The following SEMA3A variants were observed in gnomAD, a reference collection of about 807,000 sequenced individuals.
The protein encoded by SEMA3A is semaphorin-3A.
A neutral mutation model predicts 97.9 loss-of-function variants in SEMA3A; 29 were observed. The observed-to-expected ratio is 0.30, with a 90% confidence interval of 0.22 to 0.40. The LOEUF (loss-of-function observed/expected upper bound fraction) is 0.40. Ranked by LOEUF, SEMA3A falls within the 10% of genes least tolerant of loss-of-function variation. The pLI, the probability that SEMA3A is intolerant of heterozygous loss-of-function variation, is 1.00. For missense variants in SEMA3A, 763 were observed against 951.3 expected, an observed-to-expected ratio of 0.80 and a Z score of 2.60; for synonymous variants, 321 against 323.7, an observed-to-expected ratio of 0.99 and a Z score of 0.09.
At chr7:83,998,874 T>A (rs188773198) in intron 12 of SEMA3A, among the ~76,000 whole-genome samples, 60 of 152,232 alleles carry the variant, frequency 3.9e-4, no homozygotes, top group African/African-American at 1.4e-3. Context: ...ATCATCAATA[T>A]CTGTGTCTTT....
intron 4 of SEMA3A, among the ~76,000 whole-genome samples, chr7:84,109,507 C>A (rs2115936206): frequency 6.6e-6 from 1 of 152,242 alleles, no homozygotes; most frequent in Admixed American, 6.5e-5. Flanking sequence ...AGATATAACA[C>A]AAACTGTTTT....
rs117073700 is a variant in SEMA3A at position 84,071,017 on chromosome 7, C to T, written c.454-10459G>A. ...AAAGGAAATATTGTGACATATTGCA[C>T]TTTGACCAAAAGAGATCCTTCTGCA... On this transcript the variant is annotated intron_variant, in intron 4 of 16. Transcript: ENST00000265362. Among the ~76,000 whole-genome samples, 1,143 of 152,186 alleles carry T rather than the reference C, an allele frequency of 7.5e-3. 6 individuals are homozygous for T. The highest frequency in any genetic ancestry group is 0.012 in the Non-Finnish European group (841 of 67,992).
intron 1 of SEMA3A, among the ~76,000 whole-genome samples, chr7:84,418,614 T>TATA (rs1804499506): frequency 6.6e-6 from 1 of 151,998 alleles, no homozygotes; most frequent in Non-Finnish European, 1.5e-5. Flanking sequence ...GTCCTCTATT[T>TATA]TTCTGTCTTC....
chr7:84,132,679 T>G (rs1260958565), intron 2 of SEMA3A, among the ~76,000 whole-genome samples: 6 of 134,872 alleles, frequency 4.4e-5, no homozygotes, highest in African/African-American at 1.1e-4. Flanking sequence ...TTTTTTTTTT[T>G]TTTTTTTTTT....
intron 3 of SEMA3A, among the ~76,000 whole-genome samples, chr7:84,213,197 G>C (rs913308057): frequency 1.3e-5 from 2 of 151,966 alleles, no homozygotes; most frequent in African/African-American, 4.8e-5. Context: ...GGCTGGTCTT[G>C]AACTCCTGAC....
rs182392745 is a variant in SEMA3A at position 84,430,422 on chromosome 7, A to G, written c.-245-58522T>C. On this transcript the variant is annotated intron_variant, in intron 1 of 3. Coordinates refer to the SEMA3A transcript ENST00000424555. ...AATTCTCATAACACTTAAAAAACCA[A>G]TAGTAAACCTTTGTTGACAAACATG... Among the ~76,000 whole-genome samples the G allele has an allele frequency of 6.9e-4, 105 of 152,138 alleles. 1 individual carries two copies. The highest frequency in any genetic ancestry group is 2.3e-3 in the African/African-American group (97 of 41,562).
chr7:83,966,821 C>G (rs976325541), intron 15 of SEMA3A, among the ~76,000 whole-genome samples: 4 of 151,974 alleles, frequency 2.6e-5, no homozygotes, highest in African/African-American at 9.7e-5. Flanking sequence ...AAGCGATTCT[C>G]CTGCCTCAGA....
Position 84,115,562 on chromosome 7 carries a change from G to A in SEMA3A, c.334-4973C>T, listed in dbSNP as rs548796707. Among the ~76,000 whole-genome samples, 23 of 152,124 alleles carry A rather than the reference G, an allele frequency of 1.5e-4. No individual in the cohort carries two copies. In the East Asian group the frequency reaches 4.4e-3, roughly 29 times the overall value. The stretch of plus-strand genomic sequence containing the variant: ...TTGAAATTCTGTGTGGACCATAGAA[G>A]CTTATGATATCTATTTTTAGGCTTA... On this transcript the variant is annotated intron_variant, in intron 3 of 16. Transcript: ENST00000265362.
At chr7:84,102,588 C>CTTTTTTTTTTTTT (rs3074757) in intron 4 of SEMA3A, among the ~76,000 whole-genome samples, 1 of 96,846 alleles carries the variant, frequency 1.0e-5, no homozygotes, top group Non-Finnish European at 1.9e-5. Flanking sequence ...TGCATTATCG[C>CTTTTTTTTTTTTT]TTTTTTTTTT....
intron 1 of SEMA3A, among the ~76,000 whole-genome samples, chr7:84,409,028 A>G (rs982261282): frequency 5.3e-5 from 8 of 150,670 alleles, no homozygotes; most frequent in African/African-American, 1.7e-4. Context: ...CATGTACCCT[A>G]AAACTTAAAG....
At chr7:84,298,277 A>G (rs1584214577) in intron 3 of SEMA3A, among the ~76,000 whole-genome samples, 1 of 152,218 alleles carries the variant, frequency 6.6e-6, no homozygotes, top group African/African-American at 2.4e-5. Flanking sequence ...TAAGAACATA[A>G]TATGAATTCT....
intron 1 of SEMA3A, among the ~76,000 whole-genome samples, chr7:84,446,822 G>A (rs747556044): frequency 1.8e-4 from 27 of 152,104 alleles, no homozygotes; most frequent in African/African-American, 4.8e-4. Flanking sequence ...CAGTTGCAGT[G>A]GGGGAGGCAC....
intron 4 of SEMA3A, among the ~76,000 whole-genome samples, chr7:84,098,436 T>G (rs1158467914): frequency 2.0e-5 from 3 of 152,056 alleles, no homozygotes; most frequent in African/African-American, 7.2e-5. Context: ...TATTTATCTT[T>G]GCTCAATCCC....
intron 1 of SEMA3A, among the ~76,000 whole-genome samples, chr7:84,400,506 A>G (rs762901059): frequency 5.9e-5 from 9 of 152,210 alleles, no homozygotes; most frequent in Non-Finnish European, 8.8e-5. Flanking sequence ...TGAAAAATGC[A>G]TTAGAGTGTC....
At chr7:84,291,708 G>T (rs1800752080) in intron 3 of SEMA3A, among the ~76,000 whole-genome samples, 1 of 152,080 alleles carries the variant, frequency 6.6e-6, no homozygotes, top group African/African-American at 2.4e-5. Flanking sequence ...CCCGTAAGTT[G>T]TTTAGTCTTT....
chr7:84,016,841 G>T (rs1291965404), intron 6 of SEMA3A, among the ~76,000 whole-genome samples: 1 of 152,088 alleles, frequency 6.6e-6, no homozygotes, highest in Non-Finnish European at 1.5e-5. Flanking sequence ...CCATCACATG[G>T]TAAGTTTGAG....
intron 6 of SEMA3A, among the ~76,000 whole-genome samples, chr7:84,016,455 A>G (rs545409042): frequency 1.0e-3 from 151 of 151,472 alleles, no homozygotes; most frequent in African/African-American, 2.6e-3. Flanking sequence ...GGAGAATGGC[A>G]TTAACCCGGG....
At chr7:84,244,681 C>T (rs907001012) in intron 3 of SEMA3A, among the ~76,000 whole-genome samples, 8 of 152,086 alleles carry the variant, frequency 5.3e-5, no homozygotes, top group Non-Finnish European at 4.4e-5. Flanking sequence ...CCTTCATAGC[C>T]TTGATAGTCT....
At chr7:84,098,518 T>G (rs1192567160) in intron 4 of SEMA3A, among the ~76,000 whole-genome samples, 1 of 152,030 alleles carries the variant, frequency 6.6e-6, no homozygotes, top group Non-Finnish European at 1.5e-5. Flanking sequence ...CTAGTTTTAT[T>G]AAAACACAAC....
Sources: gnomAD v4.1 joint callset for allele counts (sites outside exome capture counted in the v4.1 genomes callset) on GRCh38, gnomAD v4.1.1 for gene constraint, MANE v1.5 for transcripts, NCBI Gene and HGNC (gene_info 2026-07-23, HGNC 2026-07-21) for gene names.